Variants in CSNK2A2IP observed in about 807,000 individuals in gnomAD.
The protein encoded by CSNK2A2IP is casein kinase 2 subunit alpha' interacting protein.
chr3:88,447,744 T>A, the CSNK2A2IP span, among the ~76,000 whole-genome samples: 3 of 152,148 alleles, frequency 2.0e-5, no homozygotes, highest in African/African-American at 7.2e-5. Context: ...TATTTTTCTT[T>A]ATTTTCTATG....
At chr3:88,438,046 G>T in the CSNK2A2IP span, among the ~76,000 whole-genome samples, 1 of 152,084 alleles carries the variant, frequency 6.6e-6, no homozygotes, top group Non-Finnish European at 1.5e-5. Flanking sequence ...TTATTAATTT[G>T]CAAATTCGTG....
chr3:88,440,498 G>A, the CSNK2A2IP span, among the ~76,000 whole-genome samples: 1 of 152,130 alleles, frequency 6.6e-6, no homozygotes, highest in Non-Finnish European at 1.5e-5. Flanking sequence ...ATATATATAG[G>A]AAAGTGGATA....
the CSNK2A2IP span, among the ~76,000 whole-genome samples, chr3:88,412,843 A>T: frequency 3.9e-5 from 6 of 152,046 alleles, no homozygotes; most frequent in African/African-American, 1.2e-4. Context: ...AAATATAGAA[A>T]AGATACAGTA....
At chr3:88,436,298 A>C in the CSNK2A2IP span, among the ~76,000 whole-genome samples, 6 of 152,172 alleles carry the variant, frequency 3.9e-5, no homozygotes, top group African/African-American at 1.4e-4. Context: ...AATTAAGTGA[A>C]ATTTTAAAAT....
the CSNK2A2IP span, among the ~76,000 whole-genome samples, chr3:88,357,292 TA>T: frequency 1.3e-5 from 2 of 152,108 alleles, no homozygotes; most frequent in Non-Finnish European, 2.9e-5. Flanking sequence ...TGACGTGAGA[TA>T]GGGGTTTAGT....
At chr3:88,466,011 C>A in the CSNK2A2IP span, 2 of 1,231,528 alleles carry the variant, frequency 1.6e-6, no homozygotes, top group Admixed American at 4.2e-5. Flanking sequence ...TGCTTCAATC[C>A]AAACCTCAGA....
the CSNK2A2IP span, among the ~76,000 whole-genome samples, chr3:88,343,963 T>C: frequency 6.6e-6 from 1 of 151,986 alleles, no homozygotes; most frequent in African/African-American, 2.4e-5. Context: ...GATTTATTTA[T>C]AGGATGGCAC....
At chr3:88,390,021 G>A in the CSNK2A2IP span, among the ~76,000 whole-genome samples, 8 of 152,064 alleles carry the variant, frequency 5.3e-5, no homozygotes, top group Non-Finnish European at 1.0e-4. Context: ...ATGTAAAAAC[G>A]GCTCGTCAGA....
At chr3:88,350,472 G>C in the CSNK2A2IP span, among the ~76,000 whole-genome samples, 1 of 151,944 alleles carries the variant, frequency 6.6e-6, no homozygotes. Context: ...TTGTTTATTG[G>C]GATGGGAAGG....
chr3:88,357,889 A>AT, the CSNK2A2IP span, among the ~76,000 whole-genome samples: 15,507 of 150,780 alleles, frequency 0.1, 1,250 homozygotes, highest in Admixed American at 0.27. Context: ...CAAGTAGCTA[A>AT]TTTTTTTTTG....
chr3:88,396,622 T>A, the CSNK2A2IP span, among the ~76,000 whole-genome samples: 1 of 152,172 alleles, frequency 6.6e-6, no homozygotes, highest in East Asian at 1.9e-4. Context: ...TGAGAGATGA[T>A]CATGGTAGTT....
the CSNK2A2IP span, among the ~76,000 whole-genome samples, chr3:88,453,918 A>G: frequency 6.6e-6 from 1 of 152,212 alleles, no homozygotes; most frequent in Non-Finnish European, 1.5e-5. Flanking sequence ...TTAAGTCTTT[A>G]TATGAGCATA....
the CSNK2A2IP span, among the ~76,000 whole-genome samples, chr3:88,414,158 A>G: frequency 6.7e-6 from 1 of 150,248 alleles, no homozygotes; most frequent in Non-Finnish European, 1.5e-5. Context: ...TACTTTACAA[A>G]CGTTATTTGT....
At chr3:88,461,186 A>G in the CSNK2A2IP span, among the ~76,000 whole-genome samples, 1 of 152,210 alleles carries the variant, frequency 6.6e-6, no homozygotes, top group African/African-American at 2.4e-5. Context: ...CTATATTACG[A>G]TTTATTTACA....
the CSNK2A2IP span, among the ~76,000 whole-genome samples, chr3:88,449,854 C>CATAT: frequency 2.4e-5 from 2 of 84,358 alleles, no homozygotes; most frequent in Middle Eastern, 7.5e-3. Flanking sequence ...CACACACACA[C>CATAT]ATATATATAT....
the CSNK2A2IP span, among the ~76,000 whole-genome samples, chr3:88,391,990 T>A: frequency 6.6e-6 from 1 of 152,078 alleles, no homozygotes; most frequent in Non-Finnish European, 1.5e-5. Context: ...TGACGGTGCA[T>A]TGATGAGCGC....
the CSNK2A2IP span, among the ~76,000 whole-genome samples, chr3:88,431,477 A>G: frequency 6.6e-6 from 1 of 152,152 alleles, no homozygotes; most frequent in Non-Finnish European, 1.5e-5. Context: ...AAGGGGGTGA[A>G]GGATAAAAGA....
At chr3:88,354,467 G>A in the CSNK2A2IP span, among the ~76,000 whole-genome samples, 2 of 152,148 alleles carry the variant, frequency 1.3e-5, no homozygotes, top group South Asian at 4.1e-4. Flanking sequence ...AAGCATAAAG[G>A]TTGAGAAGCT....
the CSNK2A2IP span, among the ~76,000 whole-genome samples, chr3:88,359,942 C>T: frequency 6.6e-6 from 1 of 151,964 alleles, no homozygotes; most frequent in African/African-American, 2.4e-5. Context: ...ATGATCTGTC[C>T]ATTGCTGAAA....
Sources: gnomAD v4.1 joint callset for allele counts (sites outside exome capture counted in the v4.1 genomes callset) on GRCh38, gnomAD v4.1.1 for gene constraint, MANE v1.5 for transcripts, NCBI Gene and HGNC (gene_info 2026-07-23, HGNC 2026-07-21) for gene names.